The following ATG3 variants were observed in gnomAD, a reference collection of about 807,000 sequenced individuals.
The protein encoded by ATG3 is autophagy related 3.
A neutral mutation model predicts 50.7 loss-of-function variants in ATG3; 25 were observed. The ratio of observed to expected loss-of-function variants is 0.49; its 90% CI spans 0.36 to 0.69. ATG3 has a LOEUF of 0.69. Among genes scored for constraint, ATG3 ranks in the 30% least tolerant of loss-of-function variants. The pLI is 0.00. For missense variants in ATG3, 281 were observed against 376.0 expected (o/e 0.75, Z 2.09); for synonymous variants, 119 against 125.5 (o/e 0.95, Z 0.34).
intron 2 of ATG3, among the ~76,000 whole-genome samples, chr3:112,557,968 G>A (rs949375629): frequency 1.1e-4 from 16 of 152,098 alleles, no homozygotes; most frequent in Admixed American, 9.2e-4. Flanking sequence ...ACTCTTAAGA[G>A]AAAACAATAT....
intron 8 of ATG3, 89 bp downstream of exon 8, chr3:112,538,057 T>A (rs889404841): frequency 8.8e-6 from 11 of 1,253,678 alleles, no homozygotes; most frequent in Non-Finnish European, 1.1e-5. Context: ...AATTAGAATG[T>A]CTTTGAAAGA....
rs1933878127 is a variant in ATG3, at chr3:112,561,490, C to G, written c.39G>C (p.Leu13=). 1.9e-6 allele frequency: 3 copies of G among 1,613,312 alleles called. No individual in the cohort carries two copies. The East Asian group carries it at 6.7e-5, about 36-fold the overall frequency. The change falls in exon 1 of 12, where the codon CTG becomes CTC. Residue 13 remains leucine, a synonymous_variant. Transcript: ENST00000283290. The part of the protein sequence containing the change: ...NVINTVKGKA[L]EVAEYLTPVL... ...CCGGGGTCAGGTACTCAGCCACTTC[C>G]AGTGCCTTTCCCTTCACAGTATTAA...
intron 4 of ATG3, 106 bp from the exon 5 acceptor site, chr3:112,548,746 A>T (rs1317815066): frequency 1.2e-6 from 1 of 857,122 alleles, no homozygotes; most frequent in South Asian, 1.5e-5. Context: ...TTATACCACC[A>T]AAGTACTAAG....
chr3:112,556,905 C>T (rs1038783286), intron 2 of ATG3, among the ~76,000 whole-genome samples: 1 of 152,010 alleles, frequency 6.6e-6, no homozygotes, highest in African/African-American at 2.4e-5. Flanking sequence ...CCACAGGGTC[C>T]TCTGCCTAGG....
chr3:112,549,135 A>T (rs1247119277), intron 4 of ATG3, among the ~76,000 whole-genome samples: 6 of 152,218 alleles, frequency 3.9e-5, no homozygotes, highest in Non-Finnish European at 7.3e-5. Flanking sequence ...TGGATAAAAC[A>T]GTTTAAAATT....
At position 112,557,027 on chromosome 3, in the gene ATG3, AAAAAG is replaced by A. The variant is rs1933704521; in HGVS notation, c.114+1344_114+1348del. 2.6e-5 allele frequency among the ~76,000 whole-genome samples: 4 copies of A among 152,270 alleles called. No homozygotes were observed. The South Asian group carries it at 6.2e-4, about 24-fold the overall frequency. ...ACCCAAGAATGATCAATTAAAAAAA[AAAAAG>A]AAATTACAGAAATAGGTCTAGAAGG... On this transcript the variant is annotated intron_variant, in intron 2 of 11. Coordinates refer to ENST00000283290, the MANE Select transcript of ATG3 (RefSeq NM_022488.5).
intron 10 of ATG3, 135 bp downstream of exon 10, chr3:112,536,340 A>G (rs1933047541): frequency 2.0e-6 from 2 of 987,384 alleles, no homozygotes; most frequent in Admixed American, 5.6e-5. Flanking sequence ...ATTTCTAAGG[A>G]GGACAAGAGA....
chr3:112,533,224 A>G (rs181778021), intron 11 of ATG3: 130 of 985,212 alleles, frequency 1.3e-4, no homozygotes, highest in Non-Finnish European at 1.5e-4. Context: ...AGGTTAGTGT[A>G]TGTATTTGCC....
intron 8 of ATG3, 45 bp downstream of exon 8, chr3:112,538,101 A>C: frequency 7.0e-7 from 1 of 1,431,030 alleles, no homozygotes; most frequent in Non-Finnish European, 9.6e-7. Context: ...TGCATCCCCA[A>C]GTTCATCCAT....
chr3:112,559,672 G>A (rs980558620), intron 1 of ATG3, among the ~76,000 whole-genome samples: 2 of 152,230 alleles, frequency 1.3e-5, no homozygotes, highest in African/African-American at 4.8e-5. Context: ...GTTTCAGATA[G>A]AGGGAAGAGC....
chr3:112,534,195 G>C, intron 11 of ATG3, 74 bp downstream of exon 11: 2 of 1,544,388 alleles, frequency 1.3e-6, no homozygotes, highest in Non-Finnish European at 1.7e-6. Context: ...TATCATTAAG[G>C]TTACACTAAA....
At chr3:112,545,032 A>G (rs1484474099) in intron 5 of ATG3, among the ~76,000 whole-genome samples, 1 of 152,228 alleles carries the variant, frequency 6.6e-6, no homozygotes, top group Non-Finnish European at 1.5e-5. Flanking sequence ...AGGTAGTAAT[A>G]TCATATCACA....
intron 7 of ATG3, among the ~76,000 whole-genome samples, chr3:112,540,377 T>G (rs562524473): frequency 6.6e-6 from 1 of 152,362 alleles, no homozygotes; most frequent in Admixed American, 6.5e-5. Context: ...TCTATCTCAC[T>G]CTAAAGTCTA....
At chr3:112,557,187 G>C (rs998267702) in intron 2 of ATG3, among the ~76,000 whole-genome samples, 9 of 151,182 alleles carry the variant, frequency 6.0e-5, no homozygotes, top group Non-Finnish European at 1.2e-4. Context: ...GCCCAGGCTG[G>C]ACTACAGGCG....
chr3:112,550,310 G>A, intron 3 of ATG3, 48 bp from the exon 4 acceptor site: 1 of 1,360,294 alleles, frequency 7.4e-7, no homozygotes, highest in African/African-American at 1.4e-5. Flanking sequence ...ATTTTAATAG[G>A]CAAATATACA....
chr3:112,549,511 A>T (rs1049880652), intron 4 of ATG3, among the ~76,000 whole-genome samples: 11 of 152,212 alleles, frequency 7.2e-5, no homozygotes, highest in African/African-American at 2.4e-4. Context: ...TTCATAAATA[A>T]AACACTACCT....
At chr3:112,537,975 A>G in intron 8 of ATG3, 85 bp from the exon 9 acceptor site, 1 of 1,376,392 alleles carries the variant, frequency 7.3e-7, no homozygotes, top group South Asian at 1.3e-5. Flanking sequence ...TCCATTCTAT[A>G]TTTTGTTTTC....
At chr3:112,537,148 C>T (rs1056924008) in intron 9 of ATG3, among the ~76,000 whole-genome samples, 7 of 151,898 alleles carry the variant, frequency 4.6e-5, no homozygotes, top group African/African-American at 1.7e-4. Flanking sequence ...ACAGCTACCC[C>T]CAATGCAGAA....
chr3:112,539,879 G>A (rs1289672275), intron 7 of ATG3, among the ~76,000 whole-genome samples: 1 of 152,184 alleles, frequency 6.6e-6, no homozygotes, highest in East Asian at 1.9e-4. Context: ...CCCACAGCTT[G>A]TACTTTGAAA....
Sources: gnomAD v4.1 joint callset for allele counts (sites outside exome capture counted in the v4.1 genomes callset) on GRCh38, gnomAD v4.1.1 for gene constraint, MANE v1.5 for transcripts, NCBI Gene and HGNC (gene_info 2026-07-23, HGNC 2026-07-21) for gene names.